Variants in NELL2 observed in about 807,000 individuals in gnomAD.
NELL2 encodes the protein protein kinase C-binding protein NELL2.
NELL2 carries 41 observed loss-of-function variants against 109.6 expected under a neutral mutation model. That is an observed-to-expected ratio of 0.37 (90% CI 0.29 to 0.49). NELL2 has a LOEUF of 0.49. Ranked by LOEUF, NELL2 falls within the 20% of genes least tolerant of loss-of-function variation. The probability of loss-of-function intolerance (pLI) is 0.98; values close to 1 mark genes in which losing one functional copy is unlikely to be tolerated. For missense variants in NELL2, 900 were observed against 1,008.3 expected, an observed-to-expected ratio of 0.89 and a Z score of 1.45; for synonymous variants, 355 against 344.7, an observed-to-expected ratio of 1.03 and a Z score of -0.33.
At chr12:44,654,560 GT>G (rs1163688470) in intron 13 of NELL2, among the ~76,000 whole-genome samples, 2 of 152,144 alleles carry the variant, frequency 1.3e-5, no homozygotes, top group African/African-American at 4.8e-5. Context: ...CAGGATGTCA[GT>G]TCCTATTGGA....
At chr12:44,685,482 G>T (rs200853877) in intron 12 of NELL2, among the ~76,000 whole-genome samples, 7 of 151,596 alleles carry the variant, frequency 4.6e-5, no homozygotes, top group South Asian at 2.1e-4. Flanking sequence ...TATTTTGCTC[G>T]CTAGTTGATG....
At chr12:44,680,299 T>C (rs1425027470) in intron 12 of NELL2, among the ~76,000 whole-genome samples, 1 of 152,124 alleles carries the variant, frequency 6.6e-6, no homozygotes, top group Non-Finnish European at 1.5e-5. Context: ...TTAATCAATG[T>C]TTAATGTTGA....
intron 7 of NELL2, 75 bp from the exon 8 acceptor site, chr12:44,776,225 T>C (rs1941753042): frequency 1.3e-6 from 2 of 1,500,014 alleles, no homozygotes. Flanking sequence ...TCCGCAGGTA[T>C]CTTTTTTTTA....
chr12:44,768,313 GT>G (rs137883944), intron 9 of NELL2, among the ~76,000 whole-genome samples: 10,548 of 149,160 alleles, frequency 0.071, 538 homozygotes, highest in Non-Finnish European at 0.11. Context: ...TTTTTAAAGG[GT>G]TTTTTTTTTA....
intron 15 of NELL2, among the ~76,000 whole-genome samples, chr12:44,535,657 T>A (rs142778506): frequency 6.6e-5 from 10 of 152,120 alleles, no homozygotes; most frequent in African/African-American, 2.4e-4. Flanking sequence ...TTTTAATGGC[T>A]ACATATTTAT....
chr12:44,682,900 A>G (rs581473), intron 12 of NELL2, among the ~76,000 whole-genome samples: 96,736 of 152,060 alleles, frequency 0.64, 32,865 homozygotes, highest in African/African-American at 0.9. Flanking sequence ...ATGGCAATGC[A>G]GGCTCTTTTT....
At chr12:44,877,582 CT>C (rs1945361096), upstream of NELL2, among the ~76,000 whole-genome samples, 1 of 152,136 alleles carries the variant, frequency 6.6e-6, no homozygotes, top group Admixed American at 6.5e-5. Flanking sequence ...TCTGAGCCCC[CT>C]GCAAGGCAGG....
At chr12:44,763,338 T>G (rs542552871) in intron 9 of NELL2, among the ~76,000 whole-genome samples, 2 of 152,180 alleles carry the variant, frequency 1.3e-5, no homozygotes, top group Non-Finnish European at 2.9e-5. Flanking sequence ...TAATTTGTGG[T>G]CAGGAAAGCT....
At chr12:44,790,941 G>T (rs1350353229) in intron 3 of NELL2, among the ~76,000 whole-genome samples, 1 of 148,940 alleles carries the variant, frequency 6.7e-6, no homozygotes, top group Non-Finnish European at 1.5e-5. Context: ...ATGGTAAAAG[G>T]CCTTGTCCAA....
intron 13 of NELL2, among the ~76,000 whole-genome samples, chr12:44,654,373 T>C (rs1452734159): frequency 6.6e-6 from 1 of 152,206 alleles, no homozygotes; most frequent in Admixed American, 6.5e-5. Context: ...TATCTGTACT[T>C]GGCTGAAGTG....
chr12:44,686,700 G>T (rs1948728643), intron 12 of NELL2, among the ~76,000 whole-genome samples: 2 of 151,958 alleles, frequency 1.3e-5, no homozygotes, highest in South Asian at 2.1e-4. Flanking sequence ...TGCCCCTGCT[G>T]GGGGGTGCCT....
intron 9 of NELL2, among the ~76,000 whole-genome samples, chr12:44,718,049 G>A (rs780717711): frequency 1.8e-4 from 28 of 152,272 alleles, no homozygotes; most frequent in East Asian, 1.9e-4. Flanking sequence ...ATGAGAGAGC[G>A]GAACACAGAA....
intron 3 of NELL2, among the ~76,000 whole-genome samples, chr12:44,801,699 T>C (rs753033382): frequency 6.6e-6 from 1 of 152,120 alleles, no homozygotes; most frequent in Non-Finnish European, 1.5e-5. Flanking sequence ...ATAAGGAATT[T>C]AGGGAACTGC....
intron 13 of NELL2, among the ~76,000 whole-genome samples, chr12:44,659,560 A>T (rs1283472712): frequency 6.6e-6 from 1 of 152,208 alleles, no homozygotes; most frequent in East Asian, 1.9e-4. Context: ...ACACTTCTCA[A>T]CAGAAGACAT....
chr12:44,678,622 G>A (rs893259289), intron 12 of NELL2, among the ~76,000 whole-genome samples: 2 of 152,014 alleles, frequency 1.3e-5, no homozygotes, highest in Non-Finnish European at 2.9e-5. Flanking sequence ...GCTACCTAAC[G>A]TCCTTCAACA....
At chr12:44,583,898 G>A (rs561106540) in intron 15 of NELL2, among the ~76,000 whole-genome samples, 11 of 152,114 alleles carry the variant, frequency 7.2e-5, no homozygotes, top group Admixed American at 2.0e-4. Flanking sequence ...TCAGCCTCCC[G>A]AACAGCTGGG....
intron 3 of NELL2, among the ~76,000 whole-genome samples, chr12:44,795,447 A>C (rs547306007): frequency 6.6e-6 from 1 of 152,286 alleles, no homozygotes; most frequent in African/African-American, 2.4e-5. Flanking sequence ...TTCAAGAAGG[A>C]TTCAATGTGA....
chr12:44,732,908 CA>C (rs1389434985), intron 9 of NELL2, among the ~76,000 whole-genome samples: 2 of 151,634 alleles, frequency 1.3e-5, no homozygotes, highest in African/African-American at 4.8e-5. Context: ...GGCATTTCTC[CA>C]AAAAAGATAT....
chr12:44,649,379 C>T (rs930081860), intron 13 of NELL2, among the ~76,000 whole-genome samples: 49 of 152,172 alleles, frequency 3.2e-4, no homozygotes, highest in African/African-American at 1.2e-3. Flanking sequence ...TGCTTTCTGT[C>T]CCATCAACCT....
Sources: gnomAD v4.1 joint callset for allele counts (sites outside exome capture counted in the v4.1 genomes callset) on GRCh38, gnomAD v4.1.1 for gene constraint, MANE v1.5 for transcripts, NCBI Gene and HGNC (gene_info 2026-07-23, HGNC 2026-07-21) for gene names.